RAB3C: variants seen among roughly 807,000 people sequenced by gnomAD.
RAB3C encodes ras-related protein Rab-3C.
A neutral mutation model predicts 26.4 loss-of-function variants in RAB3C; 17 were observed. The observed-to-expected ratio is 0.64, with a 90% CI of 0.44 to 0.97. The LOEUF (loss-of-function observed/expected upper bound fraction) is 0.97. Ranked by LOEUF, RAB3C falls within the 50% of genes least tolerant of loss-of-function variation. RAB3C has a pLI of 0.00. For missense variants in RAB3C, 242 were observed against 281.9 expected (o/e 0.86, Z 1.01); for synonymous variants, 91 against 95.9 (o/e 0.95, Z 0.30).
At chr5:58,639,240 C>T (rs979609707) in intron 2 of RAB3C, among the ~76,000 whole-genome samples, 1 of 152,098 alleles carries the variant, frequency 6.6e-6, no homozygotes, top group Non-Finnish European at 1.5e-5. Flanking sequence ...GATACATTAT[C>T]GATGACCTTG....
chr5:58,814,566 A>C (rs1205905144), intron 3 of RAB3C: 1 of 152,128 alleles, frequency 6.6e-6, no homozygotes, highest in East Asian at 1.9e-4. Context: ...ATCTTGTCTA[A>C]TTTGAGAGAA....
At chr5:58,774,950 T>G (rs1386291018) in intron 3 of RAB3C, among the ~76,000 whole-genome samples, 1 of 151,994 alleles carries the variant, frequency 6.6e-6, no homozygotes, top group East Asian at 1.9e-4. Context: ...GACTTTGGCT[T>G]TTGCTCTGGG....
At chr5:58,633,883 A>G (rs1747235919) in intron 2 of RAB3C, among the ~76,000 whole-genome samples, 1 of 152,058 alleles carries the variant, frequency 6.6e-6, no homozygotes, top group Non-Finnish European at 1.5e-5. Context: ...CTATAATCCC[A>G]GCACTTTGGG....
At chr5:58,797,354 ATATGTATATATATAAT>A (rs1288906027) in intron 3 of RAB3C, among the ~76,000 whole-genome samples, 1,364 of 58,030 alleles carry the variant, frequency 0.024, 49 homozygotes, top group African/African-American at 0.049. Context: ...AAAAAAAAAA[ATATGTATATATATAAT>A]ATATATATAT....
intron 3 of RAB3C, among the ~76,000 whole-genome samples, chr5:58,782,584 G>T (rs1023992559): frequency 2.3e-4 from 35 of 152,076 alleles, no homozygotes; most frequent in Admixed American, 1.3e-4. Flanking sequence ...GACTGCTAAT[G>T]AGTTACTTTT....
chr5:58,748,820 A>G (rs184164570), intron 3 of RAB3C, among the ~76,000 whole-genome samples: 22 of 152,278 alleles, frequency 1.4e-4, no homozygotes, highest in Non-Finnish European at 3.1e-4. Context: ...TACATTTCTC[A>G]GCTTCTCTTG....
At chr5:58,658,567 ATC>A (rs1185517429) in intron 2 of RAB3C, among the ~76,000 whole-genome samples, 6 of 152,218 alleles carry the variant, frequency 3.9e-5, no homozygotes, top group African/African-American at 7.2e-5. Flanking sequence ...TGCATCAGTT[ATC>A]TCTTACAGCC....
chr5:58,812,040 C>T (rs535500813), intron 3 of RAB3C, among the ~76,000 whole-genome samples: 2 of 152,212 alleles, frequency 1.3e-5, no homozygotes, highest in Admixed American at 6.5e-5. Context: ...TTTCTGAGCC[C>T]AACATCATCA....
intron 3 of RAB3C, among the ~76,000 whole-genome samples, chr5:58,799,903 CA>C (rs141610640): frequency 6.6e-6 from 1 of 151,928 alleles, no homozygotes; most frequent in Admixed American, 6.6e-5. Context: ...AACACCTGAA[CA>C]AAAAAAGAGT....
At chr5:58,698,398 G>A (rs774795733) in intron 2 of RAB3C, among the ~76,000 whole-genome samples, 1 of 152,088 alleles carries the variant, frequency 6.6e-6, no homozygotes, top group Non-Finnish European at 1.5e-5. Flanking sequence ...TGAAAATTTT[G>A]TGTCTTGGGG....
chr5:58,764,959 C>A (rs1460775030), intron 3 of RAB3C, among the ~76,000 whole-genome samples: 1 of 151,910 alleles, frequency 6.6e-6, no homozygotes, highest in Non-Finnish European at 1.5e-5. Context: ...TTTTTGCATG[C>A]ATATGATAGT....
chr5:58,716,109 A>G (rs1749168361), intron 2 of RAB3C, among the ~76,000 whole-genome samples: 3 of 151,870 alleles, frequency 2.0e-5, no homozygotes, highest in Admixed American at 1.3e-4. Flanking sequence ...AAAAAGAAAT[A>G]AGGGGTTATC....
chr5:58,849,355 G>T (rs75210237), intron 4 of RAB3C, among the ~76,000 whole-genome samples: 341 of 152,218 alleles, frequency 2.2e-3, no homozygotes, highest in African/African-American at 7.8e-3. Context: ...CATTAGGTCT[G>T]GGAAAATCAC....
intron 1 of RAB3C, among the ~76,000 whole-genome samples, chr5:58,595,218 G>A (rs1353449870): frequency 6.6e-6 from 1 of 152,146 alleles, no homozygotes; most frequent in Non-Finnish European, 1.5e-5. Context: ...AAGTCTAGTA[G>A]GGTGCTTGCA....
intron 1 of RAB3C, among the ~76,000 whole-genome samples, chr5:58,604,149 T>C (rs1434750637): frequency 6.6e-6 from 1 of 152,220 alleles, no homozygotes; most frequent in African/African-American, 2.4e-5. Context: ...CACAGAGTCC[T>C]GTGATGTGAA....
chr5:58,711,564 C>T (rs1749062010), intron 2 of RAB3C, among the ~76,000 whole-genome samples: 1 of 152,060 alleles, frequency 6.6e-6, no homozygotes, highest in South Asian at 2.1e-4. Flanking sequence ...ATTGCTATTA[C>T]TGAATAAAAA....
At chr5:58,717,640 C>G (rs1241550252) in intron 2 of RAB3C, among the ~76,000 whole-genome samples, 1 of 152,116 alleles carries the variant, frequency 6.6e-6, no homozygotes, top group Non-Finnish European at 1.5e-5. Flanking sequence ...TAGCTTTCCA[C>G]ACCTCATCCA....
chr5:58,696,317 C>T (rs529827610), intron 2 of RAB3C, among the ~76,000 whole-genome samples: 225 of 152,234 alleles, frequency 1.5e-3, no homozygotes, highest in African/African-American at 5.2e-3. Flanking sequence ...CTGCTGGATT[C>T]GGTTTGCCAG....
intron 2 of RAB3C, among the ~76,000 whole-genome samples, chr5:58,724,225 C>T (rs1054217912): frequency 6.6e-6 from 1 of 151,706 alleles, no homozygotes; most frequent in Non-Finnish European, 1.5e-5. Context: ...GTGCTGCTCT[C>T]TGTGGGAAGC....
Sources: allele counts gnomAD v4.1 joint callset (sites outside exome capture counted in the v4.1 genomes callset), GRCh38; gene constraint gnomAD v4.1.1; transcripts MANE v1.5; gene names NCBI Gene and HGNC (gene_info 2026-07-23, HGNC 2026-07-21).